SEMA4F: variants seen among roughly 807,000 people sequenced by gnomAD.
SEMA4F encodes the protein semaphorin-4F.
A neutral mutation model predicts 78.4 loss-of-function variants in SEMA4F; 51 were observed. That is an observed-to-expected ratio of 0.65 (90% CI 0.52 to 0.82). The LOEUF is 0.82. SEMA4F is among the 40% of genes least tolerant of loss of function. SEMA4F has a pLI of 0.00. For missense variants in SEMA4F, 938 were observed against 1,014.4 expected (o/e 0.92, Z 1.02); for synonymous variants, 418 against 408.7 (o/e 1.02, Z -0.27).
At chr2:74,708,355 C>T in the SEMA4F span, among the ~76,000 whole-genome samples, 1 of 152,150 alleles carries the variant, frequency 6.6e-6, no homozygotes, top group East Asian at 1.9e-4. Flanking sequence ...TCCCCTCACT[C>T]AGCTGTGATG....
At position 74,678,666 on chromosome 2, in the gene SEMA4F, G is replaced by C. The variant is rs554730253; in HGVS notation, c.1644-610G>C. On this transcript the variant is annotated intron_variant, in intron 12 of 13. Transcript: ENST00000357877. ...CAGTCCATCTTGCTATCCTCCATCA[G>C]ATATAGTCCACCCAAATCCTGGAAG... 7.9e-5 allele frequency among the ~76,000 whole-genome samples: 12 copies of C among 152,312 alleles called. No homozygotes were observed. In the South Asian group the frequency reaches 2.1e-3, roughly 26 times the overall value.
At chr2:74,700,687 C>T in the SEMA4F span, among the ~76,000 whole-genome samples, 1 of 152,204 alleles carries the variant, frequency 6.6e-6, no homozygotes, top group African/African-American at 2.4e-5. Flanking sequence ...GGGTAAGTAA[C>T]TTGCTCAAGG....
chr2:74,679,819 T>C lies in SEMA4F; in HGVS notation c.1923T>C (p.Ala641=). 1 of 1,614,174 alleles carries C rather than the reference T, an allele frequency of 6.2e-7. No homozygotes were observed. Among genetic ancestry groups the C allele is most frequent in the East Asian group, 2.2e-5 (1 of 44,890 alleles). Residue 641 remains alanine, a synonymous_variant, in exon 14 of 14, where the codon GCT becomes GCC. Coordinates refer to ENST00000357877, the MANE Select transcript of SEMA4F (RefSeq NM_004263.5). ...GTGGGGCAGCCCATGTGGTAGCAGC[T>C]TACAGCTTGGTATGGGGCAGCCAGC... ...QEGGAAHVVA[A]YSLVWGSQRD...
At chr2:74,697,179 T>TA in the SEMA4F span, among the ~76,000 whole-genome samples, 11 of 152,250 alleles carry the variant, frequency 7.2e-5, no homozygotes, top group Non-Finnish European at 1.6e-4. Flanking sequence ...TCCCAGGTTA[T>TA]AGTCTTCTTG....
chr2:74,687,160 A>G (rs543998762), downstream of SEMA4F, among the ~76,000 whole-genome samples: 1 of 152,198 alleles, frequency 6.6e-6, no homozygotes, highest in South Asian at 2.1e-4. Flanking sequence ...CTTTCCCCTC[A>G]CTCAGGAGCA....
At chr2:74,672,931 C>T (rs894957380) in intron 5 of SEMA4F, among the ~76,000 whole-genome samples, 4 of 152,288 alleles carry the variant, frequency 2.6e-5, no homozygotes, top group African/African-American at 9.6e-5. Context: ...GAATTGCTGG[C>T]CCAGGGATCT....
At position 74,656,647 on chromosome 2, in the gene SEMA4F, G is replaced by T; in HGVS notation, c.259G>T (p.Ala87Ser). Residue 87 changes from alanine to serine, a missense_variant, in exon 2 of 14, where the codon GCT becomes TCT. Transcript: ENST00000357877. Reference sequence around the variant, plus strand: ...TGTTGGCGCCCGGGACACCATCTTCGCTTTATCCCTGCCCTTCTCAGGGGA... The same window carrying T: ...TGTTGGCGCCCGGGACACCATCTTCTCTTTATCCCTGCCCTTCTCAGGGGA... ...LYVGARDTIF[A>S]LSLPFSGERP... 2 of 1,614,142 alleles carry T rather than the reference G, an allele frequency of 1.2e-6. No individual in the cohort carries two copies. The highest frequency in any genetic ancestry group is 1.7e-6 in the Non-Finnish European group (2 of 1,180,026).
At chr2:74,690,685 T>A in the SEMA4F span, among the ~76,000 whole-genome samples, 1 of 152,240 alleles carries the variant, frequency 6.6e-6, no homozygotes, top group African/African-American at 2.4e-5. Context: ...GAAGTAGGGA[T>A]CTCGTGCCCG....
intron 10 of SEMA4F, 44 bp from the exon 11 acceptor site, chr2:74,675,480 CA>C (rs1685224490): frequency 6.3e-7 from 1 of 1,598,766 alleles, no homozygotes; most frequent in African/African-American, 1.3e-5. Context: ...GTCCCAGGCA[CA>C]GGGGCAATTA....
intron 11 of SEMA4F, 30 bp downstream of exon 11, chr2:74,675,664 G>A (rs759060030): frequency 1.2e-5 from 19 of 1,612,534 alleles, no homozygotes; most frequent in South Asian, 7.7e-5. Context: ...GAGTCTATTG[G>A]GGAGACATCT....
At chr2:74,695,393 C>T in the SEMA4F span, among the ~76,000 whole-genome samples, 1 of 152,324 alleles carries the variant, frequency 6.6e-6, no homozygotes, top group Admixed American at 6.5e-5. Context: ...ACAGAGCACT[C>T]CCCTGTCTGG....
downstream of SEMA4F, among the ~76,000 whole-genome samples, chr2:74,684,651 A>G (rs1685775387): frequency 6.6e-6 from 1 of 152,200 alleles, no homozygotes; most frequent in Admixed American, 6.5e-5. Flanking sequence ...AGACCACAGT[A>G]CTAAGCATTT....
chr2:74,657,991 A>G, intron 4 of SEMA4F, 40 bp downstream of exon 4: 1 of 1,574,692 alleles, frequency 6.4e-7, no homozygotes, highest in Non-Finnish European at 8.7e-7. Context: ...GGGTGCCTGC[A>G]CCAGTGTGAG....
chr2:74,691,407 A>G, the SEMA4F span, among the ~76,000 whole-genome samples: 2 of 152,184 alleles, frequency 1.3e-5, no homozygotes, highest in Non-Finnish European at 2.9e-5. Context: ...GGAAACACCT[A>G]GGCATCCTCG....
chr2:74,684,210 C>T (rs533063852), downstream of SEMA4F, among the ~76,000 whole-genome samples: 2 of 151,816 alleles, frequency 1.3e-5, no homozygotes, highest in Non-Finnish European at 2.9e-5. Context: ...GGAATATGAA[C>T]CTACAGGATT....
intron 7 of SEMA4F, 98 bp downstream of exon 7, chr2:74,673,926 G>T (rs941614003): frequency 1.5e-6 from 2 of 1,377,210 alleles, no homozygotes; most frequent in Non-Finnish European, 2.0e-6. Flanking sequence ...AATCTCTCCT[G>T]TGTCTCCTAT....
At chr2:74,670,657 A>G (rs572152666) in intron 5 of SEMA4F, among the ~76,000 whole-genome samples, 4 of 152,208 alleles carry the variant, frequency 2.6e-5, no homozygotes, top group African/African-American at 7.2e-5. Flanking sequence ...TCCTATTCTT[A>G]GGGTATCCAT....
chr2:74,679,382 A>C (rs1243887397), intron 13 of SEMA4F, 48 bp downstream of exon 13: 3 of 1,530,244 alleles, frequency 2.0e-6, no homozygotes, highest in Non-Finnish European at 2.7e-6. Flanking sequence ...GAGTGGATGG[A>C]AAGGGGCTAG....
At chr2:74,665,657 A>G (rs984567439) in intron 5 of SEMA4F, among the ~76,000 whole-genome samples, 12 of 152,210 alleles carry the variant, frequency 7.9e-5, no homozygotes, top group African/African-American at 2.2e-4. Context: ...GATTATCATT[A>G]TCTATTGTTG....
Sources: allele counts gnomAD v4.1 joint callset (sites outside exome capture counted in the v4.1 genomes callset), GRCh38; gene constraint gnomAD v4.1.1; transcripts MANE v1.5; gene names NCBI Gene and HGNC (gene_info 2026-07-23, HGNC 2026-07-21).